ZNF106: variants seen among roughly 807,000 people sequenced by gnomAD.
The protein encoded by ZNF106 is SH3-domain binding protein 3.
ZNF106 carries 67 observed loss-of-function variants against 195.1 expected under a neutral mutation model. The observed-to-expected ratio is 0.34, with a 90% CI of 0.28 to 0.42. The LOEUF (loss-of-function observed/expected upper bound fraction) is 0.42, where lower values mean the gene tolerates loss of function less well. Among genes scored for constraint, ZNF106 ranks in the 10% least tolerant of loss-of-function variants. ZNF106 has a pLI of 1.00. For missense variants in ZNF106, 2,118 were observed against 2,304.5 expected, an observed-to-expected ratio of 0.92 and a Z score of 1.66; for synonymous variants, 784 against 818.6, an observed-to-expected ratio of 0.96 and a Z score of 0.72.
At chr15:42,442,903 C>T (rs148537065) in intron 9 of ZNF106, among the ~76,000 whole-genome samples, 41 of 152,206 alleles carry the variant, frequency 2.7e-4, no homozygotes, top group African/African-American at 5.1e-4. Context: ...CCTGCCTCAG[C>T]GTCCTGAGTA....
chr15:42,451,715 C>T lies in ZNF106; in HGVS notation c.557G>A (p.Trp186Ter), dbSNP rs2056038287. The T allele has an allele frequency of 6.2e-7, 1 of 1,614,094 alleles. No individual in the cohort carries two copies. The highest frequency in any genetic ancestry group is 1.7e-5 in the Admixed American group (1 of 60,006). The change falls in exon 5 of 22, where the codon TGG becomes TAG. Residue 186 changes from tryptophan (W) to a stop codon, truncating the protein, a stop_gained. Coordinates refer to ENST00000564754, the MANE Select transcript of ZNF106 (RefSeq NM_001366845.3). LOFTEE classifies it high-confidence loss of function. ...GGAGCCTCCTGCAACACCCTTATGC[C>T]ACCCGGAACGTCCTCTTGGTCCACC... ...NGGGPRGRSG[W>*]HKGVAGGSST... is the part of the protein sequence containing the mutation.
intron 2 of ZNF106, among the ~76,000 whole-genome samples, chr15:42,470,577 C>T (rs2056643942): frequency 6.6e-6 from 1 of 151,996 alleles, no homozygotes; most frequent in South Asian, 2.1e-4. Flanking sequence ...GTAGATAATT[C>T]CAGCCCTTCA....
rs1405019161 is a variant in ZNF106 at position 42,424,075 on chromosome 15, T to TA, written c.5191-16dup. On this transcript the variant is annotated splice_polypyrimidine_tract_variant and intron_variant, in intron 16 of 21. Transcript: ENST00000564754. ...TCATTCACCACCTTAAAGAAAAAATTAAACAAGTCAGATTCTGTATACGGT... is the reference window on the plus strand; with the variant it reads ...TCATTCACCACCTTAAAGAAAAAATTAAAACAAGTCAGATTCTGTATACGGT... The TA allele has an allele frequency of 1.9e-6, 3 of 1,609,388 alleles. No homozygotes were observed. Among genetic ancestry groups the TA allele is most frequent in the Non-Finnish European group, 2.5e-6 (3 of 1,178,350 alleles).
rs1476101255 is a variant in ZNF106, at chr15:42,424,948, G to T, written c.5076C>A (p.Ala1692=). 2.5e-6 allele frequency: 4 copies of T among 1,614,132 alleles called. No homozygotes were observed. Among genetic ancestry groups the T allele is most frequent in the Non-Finnish European group, 3.4e-6 (4 of 1,180,018 alleles). The change falls in exon 16 of 22, where the codon GCC becomes GCA. Residue 1692 remains alanine, a synonymous_variant. Transcript: ENST00000564754. ...VSCLATAQEG[A]RKLLVVGSYD... is the part of the protein sequence containing the mutation. Reference sequence around the variant, plus strand: ...AAGACCCCACGACCAGCAGTTTTCGGGCACCTTCCTGAGCTGTAGCAAGAC... The same window carrying T: ...AAGACCCCACGACCAGCAGTTTTCGTGCACCTTCCTGAGCTGTAGCAAGAC...
In ZNF106 at chr15:42,428,013, C is replaced by CT; in HGVS notation, c.4998+4dup. 6.2e-7 allele frequency: 1 copy of CT among 1,611,772 alleles called. No individual in the cohort carries two copies. The highest frequency in any genetic ancestry group is 8.5e-7 in the Non-Finnish European group (1 of 1,177,898). ...AAGTAAGCCTTTTCTCCTCCAACCA[C>CT]TAACCTTTATGTTGAAGGTGACCAC... On this transcript the variant is annotated splice_donor_region_variant and intron_variant, in intron 15 of 21. Transcript: ENST00000564754.
At position 42,415,319 on chromosome 15, in the gene ZNF106, A is replaced by C; in HGVS notation, c.*1985T>G. ...GTATTTTTAATAGAGACGGGGTTTC[A>C]CTATGTTGGCCAGGCTGGTCTCAAA... On this transcript the variant is annotated 3_prime_UTR_variant, in exon 22 of 22. Coordinates refer to ENST00000564754, the MANE Select transcript of ZNF106 (RefSeq NM_001366845.3). 2.5e-6 allele frequency: 1 copy of C among 393,272 alleles called. No homozygotes were observed. The highest frequency in any genetic ancestry group is 1.9e-5 in the South Asian group (1 of 53,006). 24.4% of individuals were successfully genotyped at this position (393,272 alleles called of 1,614,324 possible).
At chr15:42,424,461 A>C (rs1408708673) in intron 16 of ZNF106, 5 of 263,724 alleles carry the variant, frequency 1.9e-5, no homozygotes, top group Non-Finnish European at 2.9e-5. Context: ...ACAACACGGG[A>C]AATGCCATTT....
chr15:42,490,165 G>C (rs1423278959), intron 1 of ZNF106, among the ~76,000 whole-genome samples: 1 of 152,096 alleles, frequency 6.6e-6, no homozygotes, highest in Non-Finnish European at 1.5e-5. Context: ...AGGAGGCGGA[G>C]GTTGCAGTGA....
chr15:42,489,762 G>A lies in ZNF106; in HGVS notation c.-33+1218C>T, dbSNP rs2057100945. On this transcript the variant is annotated intron_variant, in intron 1 of 21. Transcript: ENST00000564754. The stretch of plus-strand genomic sequence containing the variant: ...CTCAAAAGTTATCTGTGGGCCGGGC[G>A]TGGTGGCTCAAGCCTGTAATCCCAG... Among the ~76,000 whole-genome samples the A allele has an allele frequency of 2.0e-5, 3 of 152,256 alleles. No homozygotes were observed. In the South Asian group the frequency reaches 6.2e-4, roughly 32 times the overall value.
intron 3 of ZNF106, among the ~76,000 whole-genome samples, chr15:42,464,121 C>A (rs1165251034): frequency 6.6e-6 from 1 of 152,126 alleles, no homozygotes; most frequent in Non-Finnish European, 1.5e-5. Flanking sequence ...GCGGGCAGAT[C>A]ACAAGGTCAG....
chr15:42,444,719 G>C, intron 8 of ZNF106, 108 bp downstream of exon 8: 1 of 1,434,930 alleles, frequency 7.0e-7, no homozygotes, highest in African/African-American at 1.4e-5. Context: ...TTCCCTTGTG[G>C]AAACTCCCCT....
Position 42,413,275 on chromosome 15 carries a change from C to T in ZNF106, c.*4029G>A, listed in dbSNP as rs1440530365. On this transcript the variant is annotated 3_prime_UTR_variant, in exon 22 of 22. Coordinates refer to ENST00000564754, the MANE Select transcript of ZNF106 (RefSeq NM_001366845.3). Reference sequence around the variant, plus strand: ...TTGCATAAGGAAACCTAGTCTATCCCAAATCACCTCCACCACAACTTCTAT... The same window carrying T: ...TTGCATAAGGAAACCTAGTCTATCCTAAATCACCTCCACCACAACTTCTAT... 2 of 152,156 alleles carry T rather than the reference C, an allele frequency of 1.3e-5. No homozygotes were observed. The highest frequency in any genetic ancestry group is 2.9e-5 in the Non-Finnish European group (2 of 68,016). 9.4% of individuals were successfully genotyped at this position (152,156 alleles called of 1,614,324 possible).
intron 13 of ZNF106, among the ~76,000 whole-genome samples, 156 bp downstream of exon 13, chr15:42,437,076 C>A (rs2055304231): frequency 6.6e-6 from 1 of 152,188 alleles, no homozygotes; most frequent in African/African-American, 2.4e-5. Flanking sequence ...TCCCCAGTGA[C>A]CTTGCTGAGC....
At chr15:42,438,955 G>A in intron 11 of ZNF106, 78 bp downstream of exon 11, 1 of 1,488,690 alleles carries the variant, frequency 6.7e-7, no homozygotes, top group South Asian at 1.4e-5. Flanking sequence ...AAGAAATTCT[G>A]ATTCATAATT....
chr15:42,417,443 G>C lies in ZNF106; in HGVS notation c.5665-83C>G, dbSNP rs2054500901. ...GTCAAAGCCAAGGAAAGCCATGTGG[G>C]TCCATTCCACCTAGGATCCAGACAG... is the stretch of plus-strand genomic sequence containing the variant. On this transcript the variant is annotated intron_variant, in intron 21 of 21. Transcript: ENST00000564754. The C allele has an allele frequency of 6.6e-5, 100 of 1,526,330 alleles. 1 individual carries two copies. The South Asian group carries it at 1.1e-3, about 16-fold the overall frequency. The allele number at this position is 1,526,330 out of a possible 1,614,324, so 94.5% of individuals were successfully genotyped here. A position where few individuals can be genotyped will look rare whatever the true frequency, so the allele number is the denominator to read the frequency against.
chr15:42,441,736 C>A (rs2055543553), intron 10 of ZNF106: 1 of 183,228 alleles, frequency 5.5e-6, no homozygotes, highest in Admixed American at 5.6e-5. Flanking sequence ...AGAGGATAGA[C>A]CTTATTCAGA....
Position 42,442,309 on chromosome 15 carries a change from G to A in ZNF106, c.3527C>T (p.Thr1176Ile), listed in dbSNP as rs754710421. 6 of 1,614,094 alleles carry A rather than the reference G, an allele frequency of 3.7e-6. No individual in the cohort carries two copies. Among genetic ancestry groups the A allele is most frequent in the East Asian group, 2.2e-5 (1 of 44,900 alleles). ...CTCCAGAAAAAGTGGGAAAAAGGGA[G>A]TGGGCAGCAGTGCGGCATCAATGGA... ...QTSIDAALLP[T>I]PFFPLFLEPP... The change falls in exon 10 of 22, where the codon ACT becomes ATT. Residue 1176 changes from threonine (T) to isoleucine (I), a missense_variant. Coordinates refer to ENST00000564754, the MANE Select transcript of ZNF106 (RefSeq NM_001366845.3).
At chr15:42,463,289 T>C (rs2056435645) in intron 3 of ZNF106, among the ~76,000 whole-genome samples, 1 of 152,114 alleles carries the variant, frequency 6.6e-6, no homozygotes, top group African/African-American at 2.4e-5. Flanking sequence ...TAGAAGGAAG[T>C]CTGTTGAAAA....
intron 20 of ZNF106, among the ~76,000 whole-genome samples, chr15:42,419,310 T>C (rs1432134222): frequency 6.6e-6 from 1 of 151,852 alleles, no homozygotes; most frequent in African/African-American, 2.4e-5. Context: ...GAGGCTGCAG[T>C]GAGCCAAGAT....
Sources: allele counts gnomAD v4.1 joint callset (sites outside exome capture counted in the v4.1 genomes callset), GRCh38; gene constraint gnomAD v4.1.1; transcripts MANE v1.5; gene names NCBI Gene and HGNC (gene_info 2026-07-23, HGNC 2026-07-21).